The following ROS1 variants were observed in gnomAD, a reference collection of about 807,000 sequenced individuals.
The protein encoded by ROS1 is ROS proto-oncogene 1, receptor tyrosine kinase, also known as proto-oncogene tyrosine-protein kinase ROS.
In ROS1, 263 loss-of-function variants were observed where a neutral mutation model predicts 273.5. The ratio of observed to expected loss-of-function variants is 0.96; its 90% CI spans 0.87 to 1.06. ROS1 has a LOEUF of 1.06. ROS1 is among the 50% of genes least tolerant of loss of function. ROS1 has a pLI of 0.00. For missense variants in ROS1, 2,833 were observed against 2,751.1 expected (o/e 1.03, Z -0.67); for synonymous variants, 1,008 against 954.1 (o/e 1.06, Z -1.04).
Position 117,353,051 on chromosome 6 carries a change from C to T in ROS1, c.4242G>A (p.Gln1414=), listed in dbSNP as rs1183678053. Residue 1414 remains glutamine, a synonymous_variant, in exon 27 of 44, where the codon CAG becomes CAA. Coordinates refer to ENST00000368507, the MANE Select transcript of ROS1 (RefSeq NM_001378902.1). ...TATGCCTACTCCTTAGGGCCTTCACCTGGGAAACGATGGCCCCATTTCCTT... is the reference window on the plus strand; with the variant it reads ...TATGCCTACTCCTTAGGGCCTTCACTTGGGAAACGATGGCCCCATTTCCTT... ...AKKGNGAIVS[Q]VKALRSRHIL... The T allele has an allele frequency of 3.7e-6, 6 of 1,614,010 alleles. No homozygotes were observed. Among genetic ancestry groups the T allele is most frequent in the South Asian group, 1.1e-5 (1 of 91,086 alleles).
In ROS1 at chr6:117,326,425, TAATA is replaced by T. The variant is rs1776650336; in HGVS notation, c.5349-15_5349-12del. 6.9e-7 allele frequency: 1 copy of T among 1,451,612 alleles called. No homozygotes were observed. Among genetic ancestry groups the T allele is most frequent in the Non-Finnish European group, 9.3e-7 (1 of 1,077,480 alleles). 89.9% of individuals were successfully genotyped at this position (1,451,612 alleles called of 1,614,324 possible). ...TTTGAAGTGCTCTTTCTGCAAAAAA[TAATA>T]AATACAGAAAATATACATGACAATA... On this transcript the variant is annotated splice_polypyrimidine_tract_variant and intron_variant, in intron 33 of 43. Coordinates refer to ENST00000368507, the MANE Select transcript of ROS1 (RefSeq NM_001378902.1).
At chr6:117,336,855 A>G (rs1363869698) in intron 32 of ROS1, among the ~76,000 whole-genome samples, 2 of 152,146 alleles carry the variant, frequency 1.3e-5, no homozygotes, top group Non-Finnish European at 2.9e-5. Flanking sequence ...AGTAGCCAAT[A>G]AATATTTTTT....
chr6:117,390,319 G>A (rs1394380571), intron 12 of ROS1, among the ~76,000 whole-genome samples: 1 of 152,034 alleles, frequency 6.6e-6, no homozygotes, highest in East Asian at 1.9e-4. Flanking sequence ...TGGAGACAGG[G>A]TATCACCGTG....
At chr6:117,369,297 T>G (rs1301599909) in intron 18 of ROS1, among the ~76,000 whole-genome samples, 1 of 152,200 alleles carries the variant, frequency 6.6e-6, no homozygotes, top group African/African-American at 2.4e-5. Context: ...AATACATTTT[T>G]TAAGAAGGAA....
At chr6:117,323,055 G>T (rs2128570313) in intron 35 of ROS1, among the ~76,000 whole-genome samples, 1 of 152,270 alleles carries the variant, frequency 6.6e-6, no homozygotes, top group East Asian at 1.9e-4. Flanking sequence ...AAGCCTATAT[G>T]CCAACTGCCA....
At chr6:117,372,504 G>A (rs1021783507) in intron 18 of ROS1, among the ~76,000 whole-genome samples, 1 of 152,196 alleles carries the variant, frequency 6.6e-6, no homozygotes, top group Admixed American at 6.5e-5. Flanking sequence ...CCCTCGTGGT[G>A]AGCGTTACAG....
intron 22 of ROS1, among the ~76,000 whole-genome samples, chr6:117,362,072 G>C (rs775361592): frequency 4.6e-5 from 7 of 152,064 alleles, no homozygotes; most frequent in Admixed American, 3.9e-4. Context: ...AATCAGTAAT[G>C]TGTAACATAC....
chr6:117,399,434 A>G (rs1383032768), intron 7 of ROS1, among the ~76,000 whole-genome samples: 2 of 152,246 alleles, frequency 1.3e-5, no homozygotes, highest in African/African-American at 4.8e-5. Context: ...AGGTGGCCAC[A>G]CAAACCCTGA....
intron 1 of ROS1, among the ~76,000 whole-genome samples, chr6:117,419,417 G>T (rs532986502): frequency 1.3e-5 from 2 of 152,164 alleles, no homozygotes; most frequent in South Asian, 4.2e-4. Flanking sequence ...AATGTTGCCT[G>T]TTTTTTTCTT....
intron 7 of ROS1, among the ~76,000 whole-genome samples, chr6:117,397,533 A>G (rs1773598831): frequency 6.6e-6 from 1 of 152,144 alleles, no homozygotes; most frequent in Non-Finnish European, 1.5e-5. Flanking sequence ...GGGCCTTTTC[A>G]CTCATTTGAG....
In ROS1 at chr6:117,396,229, C is replaced by A; in HGVS notation, c.842G>T (p.Gly281Val). ...GGTAATACTAGATTCTGCTTCTGGA[C>A]CCTCACCAACTTCATTTACTGCTGC... The part of the protein sequence containing the change: ...SIAAVNEVGE[G>V]PEAESSITTS... Residue 281 changes from glycine to valine, a missense_variant, in exon 9 of 44, where the codon GGT (glycine) becomes GTT (valine). Physicochemically the swap from Gly to Val is moderately radical, Grantham distance 109. Coordinates refer to ENST00000368507, the MANE Select transcript of ROS1 (RefSeq NM_001378902.1). The A allele has an allele frequency of 6.2e-7, 1 of 1,613,612 alleles. No individual in the cohort carries two copies. The highest frequency in any genetic ancestry group is 8.5e-7 in the Non-Finnish European group (1 of 1,179,646).
At chr6:117,330,992 T>C (rs142745146) in intron 32 of ROS1, among the ~76,000 whole-genome samples, 256 of 152,264 alleles carry the variant, frequency 1.7e-3, no homozygotes, top group African/African-American at 6.0e-3. Context: ...GAGGATCAGA[T>C]GGATGAACTG....
In ROS1 at chr6:117,357,716, T is replaced by C. The variant is rs573366111; in HGVS notation, c.3839+88A>G. On this transcript the variant is annotated intron_variant, in intron 25 of 43. Transcript: ENST00000368507. Reference sequence around the variant, plus strand: ...CCTAAGCATCTTATTTTTCCATAATTGTCTTCTACTATTAAACCAAAGACA... The same window carrying C: ...CCTAAGCATCTTATTTTTCCATAATCGTCTTCTACTATTAAACCAAAGACA... 7.3e-5 allele frequency: 63 copies of C among 862,838 alleles called. No individual in the cohort carries two copies. The South Asian group carries it at 9.9e-4, about 14-fold the overall frequency. The allele number at this position is 862,838 out of a possible 1,614,324, so 53.4% of individuals were successfully genotyped here. A position where few individuals can be genotyped will look rare whatever the true frequency, so the allele number is the denominator to read the frequency against.
chr6:117,322,126 C>A (rs1213804313), intron 35 of ROS1, among the ~76,000 whole-genome samples: 1 of 152,000 alleles, frequency 6.6e-6, no homozygotes, highest in African/African-American at 2.4e-5. Flanking sequence ...GAGAGATGAT[C>A]ATTAAAATTT....
At chr6:117,409,999 C>T (rs1272771523) in intron 4 of ROS1, among the ~76,000 whole-genome samples, 1 of 152,130 alleles carries the variant, frequency 6.6e-6, no homozygotes, top group African/African-American at 2.4e-5. Context: ...ATATATTCAC[C>T]TGCCATAAAC....
In ROS1 at chr6:117,330,568, C is replaced by T. The variant is rs573127695; in HGVS notation, c.5231-1122G>A. ...GACACCCTATACAGGAGCGATCCTACTGGCATCAGGTTGGTGCCCCTTGAA... is the reference window on the plus strand; with the variant it reads ...GACACCCTATACAGGAGCGATCCTATTGGCATCAGGTTGGTGCCCCTTGAA... On this transcript the variant is annotated intron_variant, in intron 32 of 43. Coordinates refer to ENST00000368507, the MANE Select transcript of ROS1 (RefSeq NM_001378902.1). 5.9e-5 allele frequency among the ~76,000 whole-genome samples: 9 copies of T among 152,328 alleles called. No individual in the cohort carries two copies. In the East Asian group the frequency reaches 1.7e-3, roughly 29 times the overall value.
chr6:117,390,717 A>G (rs1772998663), intron 12 of ROS1, among the ~76,000 whole-genome samples: 1 of 152,178 alleles, frequency 6.6e-6, no homozygotes, highest in Admixed American at 6.5e-5. Flanking sequence ...CTACCATTTT[A>G]TAAACCACAA....
intron 43 of ROS1, among the ~76,000 whole-genome samples, chr6:117,292,895 T>C (rs1359806359): frequency 6.6e-6 from 1 of 152,210 alleles, no homozygotes; most frequent in East Asian, 1.9e-4. Context: ...ATTCATTAAT[T>C]CAGCTTTCAT....
chr6:117,310,083 T>G lies in ROS1; in HGVS notation c.6414A>C (p.Val2138=). 1 of 1,612,250 alleles carries G rather than the reference T, an allele frequency of 6.2e-7. No individual in the cohort carries two copies. The highest frequency in any genetic ancestry group is 8.5e-7 in the Non-Finnish European group (1 of 1,178,540). ...ACTCTGTGTCCCGTTAAACTTACCA[T>G]ACATCAGATTGAGTAGTGAAGATTC... The part of the protein sequence containing the change: ...MDGIFTTQSD[V]WSFGILIWEI... Residue 2138 remains valine (V), a splice_region_variant and synonymous_variant, in exon 41 of 44, where the codon GTA becomes GTC. Coordinates refer to ENST00000368507, the MANE Select transcript of ROS1 (RefSeq NM_001378902.1).
Sources: gnomAD v4.1 joint callset for allele counts (sites outside exome capture counted in the v4.1 genomes callset) on GRCh38, gnomAD v4.1.1 for gene constraint, MANE v1.5 for transcripts, NCBI Gene and HGNC (gene_info 2026-07-23, HGNC 2026-07-21) for gene names.